GSN: variants seen among roughly 807,000 people sequenced by gnomAD.
The protein encoded by GSN is actin-depolymerizing factor.
Under a neutral mutation model 85.7 loss-of-function variants are expected in GSN, and 56 were observed. The ratio of observed to expected loss-of-function variants is 0.65; its 90% CI spans 0.53 to 0.82. The LOEUF (loss-of-function observed/expected upper bound fraction) is 0.82. GSN is among the 40% of genes least tolerant of loss of function. The pLI is 0.00. For missense variants in GSN, 857 were observed against 979.8 expected (o/e 0.87, Z 1.67); for synonymous variants, 373 against 399.1 (o/e 0.93, Z 0.78).
upstream of GSN, among the ~76,000 whole-genome samples, chr9:121,204,090 A>G (rs879929566): frequency 6.6e-6 from 1 of 152,238 alleles, no homozygotes; most frequent in Non-Finnish European, 1.5e-5. Context: ...TATCACCTGA[A>G]GGGAGATCTT....
At chr9:121,237,018 G>A (rs981228431) in intron 5 of GSN, among the ~76,000 whole-genome samples, 1 of 152,128 alleles carries the variant, frequency 6.6e-6, no homozygotes, top group African/African-American at 2.4e-5. Context: ...TGTACCCCAA[G>A]CAACCACTCT....
intron 4 of GSN, among the ~76,000 whole-genome samples, chr9:121,304,129 G>C (rs1293504635): frequency 6.6e-6 from 1 of 152,230 alleles, no homozygotes; most frequent in Non-Finnish European, 1.5e-5. Context: ...GTTCCTCTCT[G>C]GACCTCAGGA....
At chr9:121,244,554 G>C (rs2054662618) in intron 5 of GSN, among the ~76,000 whole-genome samples, 1 of 152,206 alleles carries the variant, frequency 6.6e-6, no homozygotes, top group Admixed American at 6.5e-5. Context: ...GAGGTAGGCA[G>C]TGGTATAGTA....
chr9:121,227,696 G>A (rs2054296690), intron 4 of GSN, among the ~76,000 whole-genome samples: 1 of 152,124 alleles, frequency 6.6e-6, no homozygotes, highest in South Asian at 2.1e-4. Flanking sequence ...TTGGTGTGAG[G>A]GGAAATACAC....
intron 4 of GSN, among the ~76,000 whole-genome samples, chr9:121,307,836 CCCT>C: frequency 6.6e-6 from 1 of 151,912 alleles, no homozygotes; most frequent in East Asian, 1.9e-4. Context: ...GGTCTCAGAA[CCCT>C]CCTGTCTTTC....
In GSN at chr9:121,225,494, T is replaced by A. The variant is rs185707117; in HGVS notation, c.-527-5671T>A. ...CTGTTAGAGCTGTCATTATGATCTT[T>A]GTGATTTCCAGCTCTGCAGCCAAAA... On this transcript the variant is annotated intron_variant, in intron 4 of 24. Coordinates refer to the GSN transcript ENST00000373823. Among the ~76,000 whole-genome samples the A allele has an allele frequency of 7.2e-5, 11 of 152,356 alleles. No homozygotes were observed. In the East Asian group the frequency reaches 2.1e-3, roughly 29 times the overall value.
intron 3 of GSN, 89 bp downstream of exon 3, chr9:121,302,256 T>C: frequency 1.4e-6 from 2 of 1,409,800 alleles, no homozygotes; most frequent in Non-Finnish European, 2.0e-6. Flanking sequence ...GGGAACTGAT[T>C]ATTGAGCACC....
chr9:121,299,884 CCGCGCTGCTTTG>C lies in GSN; in HGVS notation c.-9-2071_-9-2060del. ...ACCATGGCTCCGCACCGCCCCGCGC[CCGCGCTGCTTTG>C]CGCGCTGTCCCTGGCGCTGTGCGCG... is the stretch of plus-strand genomic sequence containing the variant. On this transcript the variant is annotated intron_variant, in intron 2 of 17. Coordinates refer to ENST00000432226, the MANE Select transcript of GSN (RefSeq NM_198252.3). This position sits in a 1 kb window ranked among gnomAD's most constrained non-coding sequence, Gnocchi z 4.2. 7.6e-7 allele frequency: 1 copy of C among 1,322,224 alleles called. No individual in the cohort carries two copies. The highest frequency in any genetic ancestry group is 9.7e-7 in the Non-Finnish European group (1 of 1,026,636). 81.9% of individuals were successfully genotyped at this position (1,322,224 alleles called of 1,614,324 possible). A position where few individuals can be genotyped will look rare whatever the true frequency, so the allele number is the denominator to read the frequency against.
In GSN at chr9:121,299,835, A is replaced by G. The variant is rs1330818334; in HGVS notation, c.-9-2128A>G. ...CGGCGACCCGAGGCCGCGGCTGCCG[A>G]CTGGGTCCCCTGCCGCTGTCGCCAC... On this transcript the variant is annotated intron_variant, in intron 2 of 17. Transcript: ENST00000432226. The surrounding 1 kb of genome is among the most constrained non-coding windows in gnomAD (Gnocchi z 4.2). 1.5e-6 allele frequency: 2 copies of G among 1,336,782 alleles called. No homozygotes were observed. Among genetic ancestry groups the G allele is most frequent in the Non-Finnish European group, 1.9e-6 (2 of 1,036,160 alleles). The allele number at this position is 1,336,782 out of a possible 1,614,324, so 82.8% of individuals were successfully genotyped here. A position where few individuals can be genotyped will look rare whatever the true frequency, so the allele number is the denominator to read the frequency against.
At chr9:121,279,162 G>A (rs918888020) in intron 1 of GSN, among the ~76,000 whole-genome samples, 1 of 152,200 alleles carries the variant, frequency 6.6e-6, no homozygotes, top group African/African-American at 2.4e-5. Flanking sequence ...GAGGACTCAG[G>A]AACAGAGTGC....
chr9:121,233,666 A>G lies in GSN; in HGVS notation c.-389+2363A>G, dbSNP rs114454025. Among the ~76,000 whole-genome samples the G allele has an allele frequency of 6.1e-3, 931 of 152,250 alleles. 12 individuals are homozygous for G. Among genetic ancestry groups the G allele is most frequent in the African/African-American group, 0.021 (859 of 41,554 alleles). On this transcript the variant is annotated intron_variant, in intron 5 of 24. Transcript: ENST00000373823. ...AGAACCACTGAGCTGAGCCCAGCCA[A>G]CTCATAGAACCATGAGAGATAACAA... is the stretch of plus-strand genomic sequence containing the variant.
chr9:121,321,224 G>T lies in GSN; in HGVS notation c.1192-44G>T, dbSNP rs553447738. 1.5e-5 allele frequency: 24 copies of T among 1,609,974 alleles called. No homozygotes were observed. The South Asian group carries it at 2.2e-4, about 15-fold the overall frequency. On this transcript the variant is annotated intron_variant, in intron 10 of 17. Coordinates refer to ENST00000432226, the MANE Select transcript of GSN (RefSeq NM_198252.3). ...TTTCCTGGCTTGCCTGAGCTGGGGG[G>T]TGGGGGTGCTGCACAGCATCTGACT...
intron 2 of GSN, chr9:121,286,143 G>T: frequency 1.3e-6 from 2 of 1,535,518 alleles, no homozygotes; most frequent in Non-Finnish European, 1.7e-6. Context: ...CCAGCCTCGC[G>T]ATGGCCGAGG....
intron 5 of GSN, among the ~76,000 whole-genome samples, chr9:121,235,015 A>G (rs2132168551): frequency 6.6e-6 from 1 of 152,266 alleles, no homozygotes; most frequent in Non-Finnish European, 1.5e-5. Context: ...CGCAGAGGAA[A>G]GGCTGCAGAC....
intron 5 of GSN, chr9:121,239,634 T>G (rs2054563660): frequency 3.5e-6 from 1 of 282,580 alleles, no homozygotes; most frequent in African/African-American, 2.3e-5. Flanking sequence ...GTCCTCTGGG[T>G]AGATTTGACG....
chr9:121,245,971 A>T (rs972531636), intron 5 of GSN, among the ~76,000 whole-genome samples: 1 of 152,236 alleles, frequency 6.6e-6, no homozygotes, highest in African/African-American at 2.4e-5. Flanking sequence ...TAGTATATTT[A>T]CTGAAACTCA....
At chr9:121,202,112 G>A in the GSN span, among the ~76,000 whole-genome samples, 15 of 152,338 alleles carry the variant, frequency 9.8e-5, no homozygotes, top group African/African-American at 3.1e-4. Flanking sequence ...GCAGTCGCGT[G>A]TCCTCGCCTC....
At chr9:121,305,671 G>T (rs993081056) in intron 4 of GSN, among the ~76,000 whole-genome samples, 6 of 152,182 alleles carry the variant, frequency 3.9e-5, no homozygotes, top group Non-Finnish European at 7.3e-5. Flanking sequence ...TGATTTTCCA[G>T]GATGTTCTTG....
rs948773018 is a variant in GSN, at chr9:121,305,481, T to C, written c.351+2416T>C. On this transcript the variant is annotated intron_variant, in intron 4 of 17. Coordinates refer to ENST00000432226, the MANE Select transcript of GSN (RefSeq NM_198252.3). The stretch of plus-strand genomic sequence containing the variant: ...ATGAGGCTACTAAGGCACAGAGATG[T>C]TAAGCAACTTTTCCAAGGTCACACA... Among the ~76,000 whole-genome samples, 6 of 152,222 alleles carry C rather than the reference T, an allele frequency of 3.9e-5. No individual in the cohort carries two copies. In the South Asian group the frequency reaches 1.2e-3, roughly 32 times the overall value.
Sources: allele counts gnomAD v4.1 joint callset (sites outside exome capture counted in the v4.1 genomes callset), GRCh38; gene constraint gnomAD v4.1.1; non-coding constraint Gnocchi (gnomAD v3.1); transcripts MANE v1.5; gene names NCBI Gene and HGNC (gene_info 2026-07-23, HGNC 2026-07-21).